PRKACG: variants seen among roughly 807,000 people sequenced by gnomAD.
PRKACG encodes protein kinase cAMP-activated catalytic subunit gamma.
PRKACG carries 24 observed loss-of-function variants against 25.6 expected under a neutral mutation model. That is an observed-to-expected ratio of 0.94 (90% confidence interval 0.68 to 1.32). The LOEUF (loss-of-function observed/expected upper bound fraction) is 1.32. Ranked by LOEUF, PRKACG falls within the 40% of genes most tolerant of loss-of-function variation. PRKACG has a pLI of 0.00. For synonymous variants in PRKACG, 202 were observed against 195.9 expected (o/e 1.03, Z -0.26); for missense variants, 481 against 462.9 (o/e 1.04, Z -0.36).
Position 69,012,898 on chromosome 9 carries a change from C to A in PRKACG, c.*139G>T. Reference sequence around the variant, plus strand: ...CCAAATATCTGGGCTTCCTGCTCCCCCAACCCTGGAGGGTGGGGTGAGGAT... The same window carrying A: ...CCAAATATCTGGGCTTCCTGCTCCCACAACCCTGGAGGGTGGGGTGAGGAT... On this transcript the variant is annotated 3_prime_UTR_variant, in exon 1 of 1. Transcript: ENST00000377276. 1.2e-6 allele frequency: 1 copy of A among 842,788 alleles called. No individual in the cohort carries two copies. Among genetic ancestry groups the A allele is most frequent in the Non-Finnish European group, 1.8e-6 (1 of 556,728 alleles). The allele number at this position is 842,788 out of a possible 1,614,324, so 52.2% of individuals were successfully genotyped here. A position where few individuals can be genotyped will look rare whatever the true frequency, so the allele number is the denominator to read the frequency against.
At position 69,013,468 on chromosome 9, in the gene PRKACG, C is replaced by T. The variant is rs1272821192; in HGVS notation, c.625G>A (p.Glu209Lys). ...LCGTPEYLAPEIILSKGYNKA... is the reference protein window; with the variant it reads ...LCGTPEYLAPKIILSKGYNKA... The stretch of plus-strand genomic sequence containing the variant: ...TTGTAGCCTTTGCTCAGGATGATCT[C>T]GGGGGCCAGGTACTCTGGGGTCCCG... Residue 209 changes from glutamate (E) to lysine (K), a missense_variant, in exon 1 of 1, where the codon GAG (glutamate) becomes AAG (lysine). Glu to Lys is a moderately conservative substitution (Grantham distance 56, BLOSUM62 1). Transcript: ENST00000377276. The T allele has an allele frequency of 2.5e-6, 4 of 1,613,826 alleles. No homozygotes were observed. The highest frequency in any genetic ancestry group is 2.2e-5 in the East Asian group (1 of 44,876).
rs758376536 is a variant in PRKACG, at chr9:69,013,546, C to A, written c.547G>T (p.Val183Leu). ...CGCTTGGCGAAACCGAAGTCCGTCA[C>A]CTGCAGGTAGCCCTGCTGGTCGATG... ...LLIDQQGYLQ[V>L]TDFGFAKRVK... Residue 183 changes from valine to leucine, a missense_variant, in exon 1 of 1, where the codon GTG becomes TTG. By Grantham distance (32) the Val-to-Leu change is conservative (BLOSUM62 1). Coordinates refer to ENST00000377276, the MANE Select transcript of PRKACG (RefSeq NM_002732.4). 1 of 1,613,998 alleles carries A rather than the reference C, an allele frequency of 6.2e-7. No homozygotes were observed. The highest frequency in any genetic ancestry group is 8.5e-7 in the Non-Finnish European group (1 of 1,179,944).
chr9:69,014,051 C>A lies in PRKACG; in HGVS notation c.42G>T (p.Glu14Asp). 6.2e-7 allele frequency: 1 copy of A among 1,611,764 alleles called. No homozygotes were observed. The highest frequency in any genetic ancestry group is 8.5e-7 in the Non-Finnish European group (1 of 1,179,404). ...CTTTGGCTAGGAACTCGTTCACGCT[C>A]TCCTCCTGCTCGGTGTCCTTCTTGG... Reference protein sequence around the residue: ...APAKKDTEQEESVNEFLAKAR... With the variant: ...APAKKDTEQEDSVNEFLAKAR... The change falls in exon 1 of 1, where the codon GAG becomes GAT. Residue 14 changes from glutamate (E) to aspartate (D), a missense_variant. By Grantham distance (45) the Glu-to-Asp change is conservative. Transcript: ENST00000377276.
At position 69,013,947 on chromosome 9, in the gene PRKACG, G is replaced by A. The variant is rs746910169; in HGVS notation, c.146C>T (p.Thr49Met). 11 of 1,613,782 alleles carry A rather than the reference G, an allele frequency of 6.8e-6. No homozygotes were observed. The South Asian group carries it at 1.2e-4, about 18-fold the overall frequency. Residue 49 changes from threonine to methionine, a missense_variant, in exon 1 of 1, where the codon ACG becomes ATG. By Grantham distance (81) the Thr-to-Met change is moderately conservative (BLOSUM62 -1). Coordinates refer to ENST00000377276, the MANE Select transcript of PRKACG (RefSeq NM_002732.4). ...CCGCCCGAAGGAGCCCATGCCCAGCGTCCTGAGCCGTTCGAACTGATCCGA... is the reference window on the plus strand; with the variant it reads ...CCGCCCGAAGGAGCCCATGCCCAGCATCCTGAGCCGTTCGAACTGATCCGA... ...ASSDQFERLR[T>M]LGMGSFGRVM...
chr9:69,013,033 AC>A lies in PRKACG; in HGVS notation c.*3del, dbSNP rs779007366. ...AGAAAACCCACAGGGGCACAAGCAC[AC>A]CCCTAAAACTCAGAAAACTCCTTGG... On this transcript the variant is annotated 3_prime_UTR_variant, in exon 1 of 1. Transcript: ENST00000377276. 1 of 1,608,924 alleles carries A rather than the reference AC, an allele frequency of 6.2e-7. No individual in the cohort carries two copies. Among genetic ancestry groups the A allele is most frequent in the East Asian group, 2.2e-5 (1 of 44,802 alleles).
rs867924490 is a variant in PRKACG, at chr9:69,013,369, C to T, written c.724G>A (p.Asp242Asn). 1 of 1,613,832 alleles carries T rather than the reference C, an allele frequency of 6.2e-7. No individual in the cohort carries two copies. Among genetic ancestry groups the T allele is most frequent in the Non-Finnish European group, 8.5e-7 (1 of 1,180,012 alleles). ...TTCTCGTAGATCTGGATGGGCTGGT[C>T]GGCGTAGAAGGGTGGGAAGCCCACG... ...MAVGFPPFYA[D>N]QPIQIYEKIV... Residue 242 changes from aspartate to asparagine, a missense_variant, in exon 1 of 1, where the codon GAC (aspartate) becomes AAC (asparagine). Transcript: ENST00000377276.
At position 69,013,942 on chromosome 9, in the gene PRKACG, C is replaced by A; in HGVS notation, c.151G>T (p.Gly51Cys). Reference sequence around the variant, plus strand: ...ATCACCCGCCCGAAGGAGCCCATGCCCAGCGTCCTGAGCCGTTCGAACTGA... The same window carrying A: ...ATCACCCGCCCGAAGGAGCCCATGCACAGCGTCCTGAGCCGTTCGAACTGA... ...SDQFERLRTL[G>C]MGSFGRVMLV... The change falls in exon 1 of 1, where the codon GGC becomes TGC. Residue 51 changes from glycine (G) to cysteine (C), a missense_variant. Transcript: ENST00000377276. 1 of 1,613,880 alleles carries A rather than the reference C, an allele frequency of 6.2e-7. No individual in the cohort carries two copies. Among genetic ancestry groups the A allele is most frequent in the South Asian group, 1.1e-5 (1 of 91,070 alleles).
rs1460918260 is a variant in PRKACG at position 69,013,621 on chromosome 9, G to C, written c.472C>G (p.Leu158Val). ...AAQVVLAVQY[L>V]HSLDLIHRDL... The stretch of plus-strand genomic sequence containing the variant: ...CGGTGGATGAGGTCGAGCGAGTGTA[G>C]GTACTGGACGGCCAGGACGACCTGG... Residue 158 changes from leucine to valine, a missense_variant, in exon 1 of 1, where the codon CTA becomes GTA. Leu to Val is a conservative substitution (Grantham distance 32, BLOSUM62 1). Coordinates refer to ENST00000377276, the MANE Select transcript of PRKACG (RefSeq NM_002732.4). The C allele has an allele frequency of 6.2e-7, 1 of 1,613,548 alleles. No homozygotes were observed. Among genetic ancestry groups the C allele is most frequent in the African/African-American group, 1.3e-5 (1 of 75,008 alleles).
At position 69,012,990 on chromosome 9, in the gene PRKACG, AC is replaced by A; in HGVS notation, c.*46del. The A allele has an allele frequency of 6.4e-7, 1 of 1,569,748 alleles. No homozygotes were observed. Among genetic ancestry groups the A allele is most frequent in the Non-Finnish European group, 8.6e-7 (1 of 1,161,084 alleles). Reference sequence around the variant, plus strand: ...ATCCAACCCTCCCATCCCCCAAACCACCAAAAACAAAAAGGAAAGAAAACCC... The same window carrying A: ...ATCCAACCCTCCCATCCCCCAAACCACAAAAACAAAAAGGAAAGAAAACCC... On this transcript the variant is annotated 3_prime_UTR_variant, in exon 1 of 1. Transcript: ENST00000377276.
In PRKACG at chr9:69,013,784, G is replaced by A; in HGVS notation, c.309C>T (p.Phe103=). Residue 103 remains phenylalanine (F), a synonymous_variant, in exon 1 of 1, where the codon TTC becomes TTT. Coordinates refer to ENST00000377276, the MANE Select transcript of PRKACG (RefSeq NM_002732.4). ...TAAAGGAGAACTGGAGCTTGACGAG[G>A]AACGGAAAGTCGATCGCCTGCAGGA... The part of the protein sequence containing the change: ...KRILQAIDFP[F]LVKLQFSFKD... 1 of 1,613,972 alleles carries A rather than the reference G, an allele frequency of 6.2e-7. No individual in the cohort carries two copies. Among genetic ancestry groups the A allele is most frequent in the Non-Finnish European group, 8.5e-7 (1 of 1,180,020 alleles).
Position 69,013,570 on chromosome 9 carries a change from T to G in PRKACG, c.523A>C (p.Ile175Leu), listed in dbSNP as rs769714404. 3.7e-6 allele frequency: 6 copies of G among 1,613,562 alleles called. No homozygotes were observed. In the South Asian group the frequency reaches 6.6e-5, roughly 18 times the overall value. The change falls in exon 1 of 1, where the codon ATC becomes CTC. Residue 175 changes from isoleucine (I) to leucine (L), a missense_variant. Coordinates refer to ENST00000377276, the MANE Select transcript of PRKACG (RefSeq NM_002732.4). ...ACCTGCAGGTAGCCCTGCTGGTCGA[T>G]GAGGAGATTCTCGGGCTTCAGGTCG... ...HRDLKPENLL[I>L]DQQGYLQVTD...
At chr9:69,014,113 CG>C, upstream of PRKACG, 2 of 1,304,758 alleles carry the variant, frequency 1.5e-6, no homozygotes, top group Non-Finnish European at 2.0e-6. Flanking sequence ...GCGGCAGGGG[CG>C]GGGGTCTCGC....
In PRKACG at chr9:69,013,088, C is replaced by T; in HGVS notation, c.1005G>A (p.Glu335=). 6.2e-7 allele frequency: 1 copy of T among 1,614,228 alleles called. No individual in the cohort carries two copies. Among genetic ancestry groups the T allele is most frequent in the Non-Finnish European group, 8.5e-7 (1 of 1,180,046 alleles). The change falls in exon 1 of 1, where the codon GAG becomes GAA. Residue 335 remains glutamate, a synonymous_variant. Coordinates refer to ENST00000377276, the MANE Select transcript of PRKACG (RefSeq NM_002732.4). ...ASNFDDYEEE[E]LRISINEKCA... ...ACTTCTCATTGATGGAGATCCGGAG[C>T]TCTTCCTCCTCGTAGTCGTCAAAGT... is the stretch of plus-strand genomic sequence containing the variant.
At position 69,013,894 on chromosome 9, in the gene PRKACG, C is replaced by A. The variant is rs768545690; in HGVS notation, c.199G>T (p.Gly67Cys). The A allele has an allele frequency of 6.2e-7, 1 of 1,613,736 alleles. No homozygotes were observed. The highest frequency in any genetic ancestry group is 8.5e-7 in the Non-Finnish European group (1 of 1,180,006). ...RVMLVRHQET[G>C]GHYAMKILNK... Reference sequence around the variant, plus strand: ...AGGATCTTCATGGCGTAGTGGCCGCCGGTCTCCTGGTGCCTCACCAGCATC... The same window carrying A: ...AGGATCTTCATGGCGTAGTGGCCGCAGGTCTCCTGGTGCCTCACCAGCATC... Residue 67 changes from glycine (G) to cysteine (C), a missense_variant, in exon 1 of 1, where the codon GGC becomes TGC. Physicochemically the swap from Gly to Cys is radical, Grantham distance 159. Transcript: ENST00000377276.
At position 69,013,665 on chromosome 9, in the gene PRKACG, TG is replaced by T; in HGVS notation, c.427del (p.His143MetfsTer26). Reference protein sequence around the residue: ...LQRVGRFSEPHACFYAAQVVL... With the variant: ...LQRVGRFSEPXACFYAAQVVL... Reference sequence around the variant, plus strand: ...GACCTGGGCGGCATAGAAACAGGCATGGGGCTCGCTAAACCTTCCGACGCGC... The same window carrying T: ...GACCTGGGCGGCATAGAAACAGGCATGGGCTCGCTAAACCTTCCGACGCGC... On this transcript the variant is annotated frameshift_variant, in exon 1 of 1. Transcript: ENST00000377276. LOFTEE classifies it high-confidence loss of function. The T allele has an allele frequency of 1.9e-6, 3 of 1,613,936 alleles. No homozygotes were observed. Among genetic ancestry groups the T allele is most frequent in the Non-Finnish European group, 2.5e-6 (3 of 1,179,976 alleles).
chr9:69,012,922 A>T lies in PRKACG; in HGVS notation c.*115T>A. 9.4e-7 allele frequency: 1 copy of T among 1,066,146 alleles called. No individual in the cohort carries two copies. The highest frequency in any genetic ancestry group is 1.3e-6 in the Non-Finnish European group (1 of 750,414). The allele number at this position is 1,066,146 out of a possible 1,614,324, so 66.0% of individuals were successfully genotyped here. The stretch of plus-strand genomic sequence containing the variant: ...CCCAACCCTGGAGGGTGGGGTGAGG[A>T]TGAAATTAGATACAAGGAACTCTGG... On this transcript the variant is annotated 3_prime_UTR_variant, in exon 1 of 1. Transcript: ENST00000377276.
In PRKACG at chr9:69,013,567, C is replaced by G. The variant is rs748435672; in HGVS notation, c.526G>C (p.Asp176His). ...GTCACCTGCAGGTAGCCCTGCTGGT[C>G]GATGAGGAGATTCTCGGGCTTCAGG... ...RDLKPENLLI[D>H]QQGYLQVTDF... is the part of the protein sequence containing the mutation. The change falls in exon 1 of 1, where the codon GAC becomes CAC. Residue 176 changes from aspartate (D) to histidine (H), a missense_variant. Asp to His is a moderately conservative substitution (Grantham distance 81). Transcript: ENST00000377276. The G allele has an allele frequency of 4.0e-5, 64 of 1,613,396 alleles. 1 individual carries two copies. In the South Asian group the frequency reaches 6.8e-4, roughly 17 times the overall value.
At position 69,012,991 on chromosome 9, in the gene PRKACG, C is replaced by G. The variant is rs1168750985; in HGVS notation, c.*46G>C. 1 of 1,572,460 alleles carries G rather than the reference C, an allele frequency of 6.4e-7. No homozygotes were observed. The highest frequency in any genetic ancestry group is 1.9e-5 in the Admixed American group (1 of 53,990). On this transcript the variant is annotated 3_prime_UTR_variant, in exon 1 of 1. Coordinates refer to ENST00000377276, the MANE Select transcript of PRKACG (RefSeq NM_002732.4). ...TCCAACCCTCCCATCCCCCAAACCA[C>G]CAAAAACAAAAAGGAAAGAAAACCC...
rs1831309409 is a variant in PRKACG at position 69,014,034 on chromosome 9, A to G, written c.59T>C (p.Leu20Pro). The G allele has an allele frequency of 2.0e-5, 32 of 1,613,116 alleles. No homozygotes were observed. Among genetic ancestry groups the G allele is most frequent in the Non-Finnish European group, 2.7e-5 (32 of 1,179,934 alleles). Residue 20 changes from leucine (L) to proline (P), a missense_variant, in exon 1 of 1, where the codon CTA (leucine) becomes CCA (proline). Coordinates refer to ENST00000377276, the MANE Select transcript of PRKACG (RefSeq NM_002732.4). ...TEQEESVNEF[L>P]AKARGDFLYR... ...GAGGAAATCTCCTCTGGCTTTGGCT[A>G]GGAACTCGTTCACGCTCTCCTCCTG...
Sources: gnomAD v4.1 joint callset for allele counts on GRCh38, gnomAD v4.1.1 for gene constraint, MANE v1.5 for transcripts, NCBI Gene and HGNC (gene_info 2026-07-23, HGNC 2026-07-21) for gene names.